Variants in ELAPOR2 observed in about 807,000 individuals in gnomAD.
ELAPOR2 encodes the protein endosome/lysosome-associated apoptosis and autophagy regulator family member 2.
ELAPOR2 carries 89 observed loss-of-function variants against 120.7 expected under a neutral mutation model. The observed-to-expected ratio is 0.74, with a 90% CI of 0.62 to 0.88. ELAPOR2 has a LOEUF of 0.88. Ranked by LOEUF, ELAPOR2 falls within the 40% of genes least tolerant of loss-of-function variation. The probability of loss-of-function intolerance (pLI) is 0.00; values close to 1 mark genes in which losing one functional copy is unlikely to be tolerated. For missense variants in ELAPOR2, 1,134 were observed against 1,251.6 expected (o/e 0.91, Z 1.42); for synonymous variants, 444 against 444.9 (o/e 1.00, Z 0.03).
intron 21 of ELAPOR2, among the ~76,000 whole-genome samples, chr7:86,883,357 A>G (rs1799512573): frequency 6.6e-6 from 1 of 152,216 alleles, no homozygotes; most frequent in Non-Finnish European, 1.5e-5. Context: ...CCTATATGAC[A>G]TAATAGTTAA....
At chr7:87,029,930 C>T (rs188862856) in intron 1 of ELAPOR2, among the ~76,000 whole-genome samples, 12 of 152,098 alleles carry the variant, frequency 7.9e-5, no homozygotes, top group African/African-American at 2.9e-4. Context: ...TCAAATGCCT[C>T]AGATGGAATA....
chr7:86,877,209 A>C lies in ELAPOR2; in HGVS notation c.*3262T>G, dbSNP rs2115670001. 1.3e-5 allele frequency: 2 copies of C among 152,312 alleles called. 1 individual carries two copies. Among genetic ancestry groups the C allele is most frequent in the South Asian group, 4.1e-4 (2 of 4,822 alleles). 9.4% of individuals were successfully genotyped at this position (152,312 alleles called of 1,614,324 possible). A position where few individuals can be genotyped will look rare whatever the true frequency, so the allele number is the denominator to read the frequency against. ...TTCTTTCATTTATGATTCTAAAAGG[A>C]ACTCATGTAAAAATGTTAAAATAAA... On this transcript the variant is annotated 3_prime_UTR_variant, in exon 22 of 22. Coordinates refer to ENST00000450689, the MANE Select transcript of ELAPOR2 (RefSeq NM_001142749.3).
At position 86,947,000 on chromosome 7, in the gene ELAPOR2, A is replaced by C. The variant is rs1333335284; in HGVS notation, c.506+727T>G. ...AAGGAAGGAAGAAAGGAAGGGAGGG[A>C]GGGAATGAATATGCCTTTCAACACA... On this transcript the variant is annotated intron_variant, in intron 3 of 21. Coordinates refer to ENST00000450689, the MANE Select transcript of ELAPOR2 (RefSeq NM_001142749.3). 2.0e-5 allele frequency among the ~76,000 whole-genome samples: 3 copies of C among 152,168 alleles called. No homozygotes were observed. In the East Asian group the frequency reaches 5.8e-4, roughly 29 times the overall value.
chr7:86,928,645 T>A (rs1790187142), intron 8 of ELAPOR2, among the ~76,000 whole-genome samples: 2 of 151,874 alleles, frequency 1.3e-5, no homozygotes, highest in Non-Finnish European at 2.9e-5. Context: ...AACTAGTAAA[T>A]GGTAAAGTAA....
chr7:86,894,577 G>A (rs190224029), intron 19 of ELAPOR2, among the ~76,000 whole-genome samples: 4 of 151,860 alleles, frequency 2.6e-5, no homozygotes, highest in Admixed American at 2.6e-4. Flanking sequence ...TGCAAACCAA[G>A]AATGCTTAAC....
Position 86,938,794 on chromosome 7 carries a change from TA to T in ELAPOR2, c.1000+13del, listed in dbSNP as rs763759417. 2 of 1,612,378 alleles carry T rather than the reference TA, an allele frequency of 1.2e-6. No homozygotes were observed. The highest frequency in any genetic ancestry group is 2.2e-5 in the South Asian group (2 of 91,020). ...CATTTAGAAAGAAAAAAGCAGAGTA[TA>T]AACTAGTTCTACCTGAAAATTGAGA... On this transcript the variant is annotated intron_variant, in intron 7 of 21. Coordinates refer to ENST00000450689, the MANE Select transcript of ELAPOR2 (RefSeq NM_001142749.3).
chr7:86,992,175 C>T (rs1460077751), intron 1 of ELAPOR2, among the ~76,000 whole-genome samples: 1 of 152,134 alleles, frequency 6.6e-6, no homozygotes, highest in African/African-American at 2.4e-5. Flanking sequence ...TCTGTAATCC[C>T]AGCACTTTGG....
At position 86,985,310 on chromosome 7, in the gene ELAPOR2, G is replaced by A. The variant is rs184253026; in HGVS notation, c.190-20286C>T. Among the ~76,000 whole-genome samples, 251 of 152,294 alleles carry A rather than the reference G, an allele frequency of 1.6e-3. 4 individuals are homozygous for A. The South Asian group carries it at 0.022, about 13-fold the overall frequency. ...CCTTCTGAAACTATTCCAATCAACA[G>A]AAAAACAGGGAATCCTCCCTAACTC... On this transcript the variant is annotated intron_variant, in intron 1 of 21. Transcript: ENST00000450689.
At chr7:87,050,612 CA>C (rs1260640854) in intron 1 of ELAPOR2, among the ~76,000 whole-genome samples, 1 of 152,296 alleles carries the variant, frequency 6.6e-6, no homozygotes, top group East Asian at 1.9e-4. Context: ...ACTTTTTTTA[CA>C]GCAATGCGAG....
At chr7:86,907,420 G>C (rs1183550057) in intron 18 of ELAPOR2, among the ~76,000 whole-genome samples, 1 of 151,264 alleles carries the variant, frequency 6.6e-6, no homozygotes, top group African/African-American at 2.4e-5. Flanking sequence ...ATTTCTTCAA[G>C]AGAATTAGAC....
chr7:86,912,979 C>T lies in ELAPOR2; in HGVS notation c.1957G>A (p.Ala653Thr). 2.5e-6 allele frequency: 4 copies of T among 1,614,028 alleles called. No individual in the cohort carries two copies. The highest frequency in any genetic ancestry group is 3.4e-6 in the Non-Finnish European group (4 of 1,179,960). ...LSIHQVYGKEACIPCGPGSKN... is the reference protein window; with the variant it reads ...LSIHQVYGKETCIPCGPGSKN... ...CTCCCAGGCCCGCATGGAATACAAG[C>T]CTCTTTGCCATAGACCTGATGTATG... The change falls in exon 14 of 22, where the codon GCT becomes ACT. Residue 653 changes from alanine to threonine, a missense_variant. By Grantham distance (58) the Ala-to-Thr change is moderately conservative. Transcript: ENST00000450689.
intron 1 of ELAPOR2, among the ~76,000 whole-genome samples, chr7:87,040,656 G>A (rs1433989227): frequency 6.6e-6 from 1 of 152,122 alleles, no homozygotes; most frequent in Non-Finnish European, 1.5e-5. Context: ...AAACCACAAA[G>A]AGGGGAAAAA....
At chr7:87,040,781 G>A (rs1311222217) in intron 1 of ELAPOR2, among the ~76,000 whole-genome samples, 1 of 152,246 alleles carries the variant, frequency 6.6e-6, no homozygotes, top group Non-Finnish European at 1.5e-5. Context: ...TTGACGAGTT[G>A]AGAGAAGAAG....
At position 86,976,296 on chromosome 7, in the gene ELAPOR2, A is replaced by C. The variant is rs563185056; in HGVS notation, c.190-11272T>G. ...GAATTGCACAAAAACATGCAGGCTA[A>C]AACTATACAATAATCCATCTTTCTG... On this transcript the variant is annotated intron_variant, in intron 1 of 21. Transcript: ENST00000450689. Among the ~76,000 whole-genome samples the C allele has an allele frequency of 2.2e-4, 34 of 152,352 alleles. 1 individual carries two copies. Among genetic ancestry groups the C allele is most frequent in the Non-Finnish European group, 4.0e-4 (27 of 68,026 alleles).
intron 1 of ELAPOR2, among the ~76,000 whole-genome samples, chr7:87,055,929 A>G (rs559174655): frequency 1.3e-5 from 2 of 152,262 alleles, no homozygotes; most frequent in African/African-American, 4.8e-5. Context: ...CAGTGAACTA[A>G]GAATCAGCTA....
At chr7:86,891,178 A>G (rs1170801122) in intron 21 of ELAPOR2, 2 of 150,460 alleles carry the variant, frequency 1.3e-5, no homozygotes, top group Non-Finnish European at 3.0e-5. Context: ...CTTGTCATAA[A>G]AAAGGAACAG....
chr7:87,053,926 A>G (rs1795188613), intron 1 of ELAPOR2, among the ~76,000 whole-genome samples: 1 of 151,920 alleles, frequency 6.6e-6, no homozygotes. Context: ...GCACACGGAA[A>G]TTTTCCGTCA....
chr7:86,943,539 C>T lies in ELAPOR2; in HGVS notation c.654+1360G>A, dbSNP rs61150767. Among the ~76,000 whole-genome samples, 1,169 of 152,030 alleles carry T rather than the reference C, an allele frequency of 7.7e-3. 12 individuals are homozygous for T. Among genetic ancestry groups the T allele is most frequent in the African/African-American group, 0.027 (1,107 of 41,516 alleles). ...CAATAGAAGAAGGAACATGAATTTG[C>T]CATCCCTTTTCAGATTATAACCAGA... On this transcript the variant is annotated intron_variant, in intron 4 of 21. Transcript: ENST00000450689.
chr7:86,938,816 T>C lies in ELAPOR2; in HGVS notation c.992A>G (p.Gln331Arg). Residue 331 changes from glutamine to arginine, a missense_variant, in exon 7 of 22, where the codon CAA becomes CGA. Transcript: ENST00000450689. ...GTATAAACTAGTTCTACCTGAAAAT[T>C]GAGAGTCGTCTTTACACCTTATACA... ...KECIRCKDDS[Q>R]FSEEGSSECT... The C allele has an allele frequency of 6.2e-7, 1 of 1,613,052 alleles. No homozygotes were observed. The highest frequency in any genetic ancestry group is 8.5e-7 in the Non-Finnish European group (1 of 1,179,276).
Sources: allele counts gnomAD v4.1 joint callset (sites outside exome capture counted in the v4.1 genomes callset), GRCh38; gene constraint gnomAD v4.1.1; transcripts MANE v1.5; gene names NCBI Gene and HGNC (gene_info 2026-07-23, HGNC 2026-07-21).